SGK1: variants seen among roughly 807,000 people sequenced by gnomAD.
SGK1 encodes the protein serine/threonine-protein kinase Sgk1.
A neutral mutation model predicts 64.2 loss-of-function variants in SGK1; 26 were observed. The observed-to-expected ratio is 0.40, with a 90% confidence interval of 0.30 to 0.56. The LOEUF is 0.56. SGK1 is among the 20% of genes least tolerant of loss of function. SGK1 has a pLI of 0.38. For missense variants in SGK1, 519 were observed against 645.6 expected (o/e 0.80, Z 2.12); for synonymous variants, 265 against 239.7 (o/e 1.11, Z -0.98).
intron 2 of SGK1, among the ~76,000 whole-genome samples, chr6:134,238,669 G>C (rs545148218): frequency 6.6e-6 from 1 of 151,948 alleles, no homozygotes; most frequent in Non-Finnish European, 1.5e-5. Flanking sequence ...CTTTTAATTA[G>C]TACAACTGGG....
intron 3 of SGK1, among the ~76,000 whole-genome samples, chr6:134,202,471 C>G (rs1775701465): frequency 6.6e-6 from 1 of 152,020 alleles, no homozygotes; most frequent in African/African-American, 2.4e-5. Context: ...TGGTGAAACC[C>G]TGTCTCTATT....
intron 9 of SGK1, 155 bp downstream of exon 9, chr6:134,172,507 T>A (rs965798767): frequency 1.3e-6 from 1 of 785,962 alleles, no homozygotes; most frequent in Non-Finnish European, 2.0e-6. Flanking sequence ...TGGTTCCCCC[T>A]TGGCACTTAA....
intron 1 of SGK1, among the ~76,000 whole-genome samples, chr6:134,264,139 G>C (rs1190546773): frequency 7.0e-6 from 1 of 142,890 alleles, no homozygotes; most frequent in Non-Finnish European, 1.5e-5. Context: ...TTTTTTTTGA[G>C]ACAGAGTCTC....
intron 1 of SGK1, among the ~76,000 whole-genome samples, chr6:134,264,528 CT>C (rs1243348714): frequency 6.6e-6 from 1 of 152,078 alleles, no homozygotes; most frequent in Non-Finnish European, 1.5e-5. Context: ...TTCAAAACTC[CT>C]GAGGATTCTT....
intron 2 of SGK1, among the ~76,000 whole-genome samples, chr6:134,250,901 G>A (rs1299015688): frequency 6.6e-6 from 1 of 152,000 alleles, no homozygotes; most frequent in Non-Finnish European, 1.5e-5. Flanking sequence ...CTCTCAGGTA[G>A]CTGGGACTAT....
intron 3 of SGK1, among the ~76,000 whole-genome samples, chr6:134,190,599 A>G (rs1775495378): frequency 6.6e-6 from 1 of 151,972 alleles, no homozygotes; most frequent in South Asian, 2.1e-4. Context: ...TGGCATACAC[A>G]GTTTTTAACA....
intron 3 of SGK1, chr6:134,175,482 T>G (rs1392054326): frequency 3.7e-6 from 5 of 1,347,544 alleles, no homozygotes; most frequent in Non-Finnish European, 4.8e-6. Flanking sequence ...AGCCGGCCCC[T>G]GCCTCCAAGC....
chr6:134,243,145 T>C (rs1776473357), intron 2 of SGK1, among the ~76,000 whole-genome samples: 1 of 152,106 alleles, frequency 6.6e-6, no homozygotes. Context: ...CTTATGCCTT[T>C]GGTTATAGAA....
At chr6:134,192,485 T>A (rs1775530546) in intron 3 of SGK1, among the ~76,000 whole-genome samples, 2 of 152,172 alleles carry the variant, frequency 1.3e-5, no homozygotes, top group South Asian at 4.1e-4. Context: ...TCAACTTCAA[T>A]CAACTCTCTT....
intron 1 of SGK1, among the ~76,000 whole-genome samples, chr6:134,279,431 A>AAAAT (rs142061179): frequency 0.078 from 11,589 of 148,068 alleles, 527 homozygotes; most frequent in African/African-American, 0.11. Context: ...ATCCTGTCTC[A>AAAAT]AAATAAATAA....
At chr6:134,298,490 G>A (rs1777396303) in intron 1 of SGK1, 2 of 811,380 alleles carry the variant, frequency 2.5e-6, no homozygotes, top group Admixed American at 3.5e-5. Flanking sequence ...GCAGGCTCTG[G>A]TTGACTGTGA....
chr6:134,240,291 CAAAAA>C (rs148740677), intron 2 of SGK1, among the ~76,000 whole-genome samples: 1 of 84,458 alleles, frequency 1.2e-5, no homozygotes. Context: ...GACTCCATCT[CAAAAA>C]AAAAAAAAAA....
chr6:134,211,649 C>T (rs1007788490), intron 2 of SGK1: 1 of 151,980 alleles, frequency 6.6e-6, no homozygotes. Flanking sequence ...GTGAAAGAAA[C>T]CATGCTAGCT....
At chr6:134,171,203 A>C in intron 11 of SGK1, 25 bp from the exon 12 acceptor site, 1 of 1,611,782 alleles carries the variant, frequency 6.2e-7, no homozygotes, top group Non-Finnish European at 8.5e-7. Flanking sequence ...AAATTACTTT[A>C]GACTTAATTG....
intron 2 of SGK1, among the ~76,000 whole-genome samples, chr6:134,220,058 CAAAAAAAAAAAAAAAAAA>C (rs55870107): frequency 1.1e-4 from 7 of 61,382 alleles, no homozygotes; most frequent in African/African-American, 6.5e-4. Flanking sequence ...GACTCCGTCT[CAAAAAAAAAAAAAAAAAA>C]AAAAAAAAAA....
intron 3 of SGK1, among the ~76,000 whole-genome samples, chr6:134,196,832 T>G (rs915746450): frequency 3.3e-5 from 5 of 152,224 alleles, no homozygotes; most frequent in African/African-American, 1.2e-4. Context: ...CAAAAAGACT[T>G]TCAGAATGAA....
chr6:134,194,442 T>G (rs1481585434), intron 3 of SGK1, among the ~76,000 whole-genome samples: 1 of 152,208 alleles, frequency 6.6e-6, no homozygotes, highest in Non-Finnish European at 1.5e-5. Flanking sequence ...TGAGCCTCCT[T>G]TGGTTCTGAG....
intron 1 of SGK1, among the ~76,000 whole-genome samples, chr6:134,280,039 A>G (rs1214121146): frequency 1.3e-5 from 2 of 151,894 alleles, no homozygotes; most frequent in Non-Finnish European, 2.9e-5. Flanking sequence ...CAATAAGATA[A>G]AAAAATATAG....
intron 1 of SGK1, among the ~76,000 whole-genome samples, chr6:134,311,763 T>C (rs1350907457): frequency 3.9e-5 from 6 of 152,148 alleles, no homozygotes; most frequent in Non-Finnish European, 8.8e-5. Flanking sequence ...GGGCGCAGGC[T>C]CAAGAGGAAC....
Sources: gnomAD v4.1 joint callset for allele counts (sites outside exome capture counted in the v4.1 genomes callset) on GRCh38, gnomAD v4.1.1 for gene constraint, MANE v1.5 for transcripts, NCBI Gene and HGNC (gene_info 2026-07-23, HGNC 2026-07-21) for gene names.